CSMD1: variants seen among roughly 807,000 people sequenced by gnomAD.
CSMD1 encodes the protein CUB and Sushi multiple domains 1.
Under a neutral mutation model 417.5 loss-of-function variants are expected in CSMD1, and 213 were observed. The observed-to-expected ratio is 0.51, with a 90% CI of 0.46 to 0.57. The LOEUF is 0.57. Ranked by LOEUF, CSMD1 falls within the 20% of genes least tolerant of loss-of-function variation. The pLI is 0.00. For missense variants in CSMD1, 6,923 were observed against 4,529.7 expected (o/e 1.53, Z -15.17); for synonymous variants, 2,862 against 1,736.8 (o/e 1.65, Z -16.11).
intron 3 of CSMD1, among the ~76,000 whole-genome samples, chr8:4,213,914 GAC>G: frequency 6.6e-6 from 1 of 152,176 alleles, no homozygotes; most frequent in Non-Finnish European, 1.5e-5. Context: ...ATGGAGGGAT[GAC>G]TCATTAATTA....
intron 3 of CSMD1, among the ~76,000 whole-genome samples, chr8:4,261,869 A>C (rs998247727): frequency 6.6e-6 from 1 of 152,348 alleles, no homozygotes; most frequent in South Asian, 2.1e-4. Context: ...TAATGAAACT[A>C]GACAAAATGT....
At chr8:4,011,157 A>C (rs914989336) in intron 4 of CSMD1, among the ~76,000 whole-genome samples, 10 of 152,210 alleles carry the variant, frequency 6.6e-5, no homozygotes, top group Admixed American at 5.9e-4. Flanking sequence ...ATGCCTACTT[A>C]TAAAATATCT....
chr8:4,326,285 C>A (rs1032036831), intron 3 of CSMD1, among the ~76,000 whole-genome samples: 1 of 152,252 alleles, frequency 6.6e-6, no homozygotes, highest in Non-Finnish European at 1.5e-5. Flanking sequence ...GTGGGAGACT[C>A]AGACATAGCA....
At chr8:3,622,433 T>A (rs935367343) in intron 7 of CSMD1, among the ~76,000 whole-genome samples, 2 of 152,170 alleles carry the variant, frequency 1.3e-5, no homozygotes, top group Non-Finnish European at 2.9e-5. Context: ...AAAGGCCCAC[T>A]TGCATGTCTC....
At chr8:4,443,000 T>C (rs144986553) in intron 2 of CSMD1, among the ~76,000 whole-genome samples, 34 of 152,246 alleles carry the variant, frequency 2.2e-4, no homozygotes, top group Non-Finnish European at 5.9e-5. Context: ...AACTCTTCCA[T>C]CTCCCAAAAA....
intron 40 of CSMD1, among the ~76,000 whole-genome samples, chr8:3,146,546 G>C (rs1350280698): frequency 6.6e-6 from 1 of 152,118 alleles, no homozygotes; most frequent in Non-Finnish European, 1.5e-5. Context: ...ATCATTGGTA[G>C]GACTAAGATT....
intron 3 of CSMD1, among the ~76,000 whole-genome samples, chr8:4,083,935 C>G (rs1800281937): frequency 6.6e-6 from 1 of 152,120 alleles, no homozygotes; most frequent in African/African-American, 2.4e-5. Flanking sequence ...CTTTCGCAAC[C>G]TACTCACATC....
chr8:4,761,051 C>A (rs919151238), intron 1 of CSMD1, among the ~76,000 whole-genome samples: 1 of 151,852 alleles, frequency 6.6e-6, no homozygotes, highest in African/African-American at 2.4e-5. Flanking sequence ...TATCTCGGAG[C>A]CCAGAGTGAT....
intron 3 of CSMD1, among the ~76,000 whole-genome samples, chr8:4,407,240 T>C (rs1563140995): frequency 6.6e-6 from 1 of 152,168 alleles, no homozygotes; most frequent in Non-Finnish European, 1.5e-5. Flanking sequence ...CCACAGGATG[T>C]CAATGGAATG....
chr8:3,005,928 T>C (rs190634764), intron 52 of CSMD1, among the ~76,000 whole-genome samples: 3,873 of 151,966 alleles, frequency 0.025, 174 homozygotes, highest in African/African-American at 0.089. Context: ...CCAGGGCAAT[T>C]AGGCAGGAGA....
intron 1 of CSMD1, among the ~76,000 whole-genome samples, chr8:4,905,791 G>A (rs547987756): frequency 6.6e-5 from 9 of 136,852 alleles, no homozygotes; most frequent in African/African-American, 2.4e-4. Flanking sequence ...CTGCACTCCA[G>A]CCTGGGCCAC....
intron 1 of CSMD1, among the ~76,000 whole-genome samples, chr8:4,772,159 G>A (rs148460869): frequency 1.3e-5 from 2 of 152,102 alleles, no homozygotes; most frequent in Non-Finnish European, 2.9e-5. Flanking sequence ...TGTGGTGGTA[G>A]GGATGAAGTC....
At chr8:3,079,855 C>T (rs962446146) in intron 49 of CSMD1, among the ~76,000 whole-genome samples, 8 of 151,972 alleles carry the variant, frequency 5.3e-5, no homozygotes, top group African/African-American at 1.7e-4. Context: ...GCATCTATGA[C>T]GATTGAAGAG....
At chr8:3,298,591 T>G (rs541112200) in intron 25 of CSMD1, among the ~76,000 whole-genome samples, 1 of 152,240 alleles carries the variant, frequency 6.6e-6, no homozygotes, top group African/African-American at 2.4e-5. Context: ...GTAGCTGGGA[T>G]TATAGGCGTG....
At chr8:3,954,644 G>C (rs1246829801) in intron 5 of CSMD1, among the ~76,000 whole-genome samples, 10 of 152,228 alleles carry the variant, frequency 6.6e-5, no homozygotes, top group African/African-American at 2.2e-4. Context: ...TTACAGGCGT[G>C]AGCCACCGCA....
intron 3 of CSMD1, among the ~76,000 whole-genome samples, chr8:4,284,260 C>T (rs762902563): frequency 1.3e-5 from 2 of 152,010 alleles, no homozygotes; most frequent in Non-Finnish European, 2.9e-5. Context: ...GTTAGCTGCT[C>T]GCGAGGCTGA....
chr8:4,347,888 T>C (rs1022276588), intron 3 of CSMD1, among the ~76,000 whole-genome samples: 1 of 151,344 alleles, frequency 6.6e-6, no homozygotes, highest in South Asian at 2.1e-4. Context: ...TAATCCATGA[T>C]AAGAAAAAAA....
At chr8:4,711,514 A>T (rs1808294394) in intron 1 of CSMD1, among the ~76,000 whole-genome samples, 1 of 152,170 alleles carries the variant, frequency 6.6e-6, no homozygotes, top group East Asian at 1.9e-4. Context: ...TTTTTGGGAC[A>T]TCTGTCCTGA....
intron 10 of CSMD1, among the ~76,000 whole-genome samples, chr8:3,565,463 A>C (rs957932590): frequency 1.3e-5 from 2 of 152,180 alleles, no homozygotes; most frequent in African/African-American, 4.8e-5. Context: ...TCGCCTCCTT[A>C]ATAAAGTCTA....
Sources: allele counts gnomAD v4.1 joint callset (sites outside exome capture counted in the v4.1 genomes callset), GRCh38; gene constraint gnomAD v4.1.1; transcripts MANE v1.5; gene names NCBI Gene and HGNC (gene_info 2026-07-23, HGNC 2026-07-21).